DAB1: variants seen among roughly 807,000 people sequenced by gnomAD.
The protein encoded by DAB1 is DAB adaptor protein 1.
Under a neutral mutation model 64.6 loss-of-function variants are expected in DAB1, and 15 were observed. That is an observed-to-expected ratio of 0.23 (90% CI 0.16 to 0.36). DAB1 has a LOEUF of 0.36. DAB1 is among the 10% of genes least tolerant of loss of function. DAB1 has a pLI of 1.00. For missense variants in DAB1, 596 were observed against 706.7 expected, an observed-to-expected ratio of 0.84 and a Z score of 1.78; for synonymous variants, 235 against 251.9, an observed-to-expected ratio of 0.93 and a Z score of 0.64.
rs1315309957 is a variant in DAB1, at chr1:58,126,546, G to A, written n.387+23965C>T. On this transcript the variant is annotated intron_variant and non_coding_transcript_variant, in intron 5 of 20. Transcript: ENST00000485760. The stretch of plus-strand genomic sequence containing the variant: ...ATGTATACATGTGCCATGCTGGTGC[G>A]CTGCACCCACTAACTCGTCATCTAG... 8.6e-5 allele frequency among the ~76,000 whole-genome samples: 13 copies of A among 151,198 alleles called. No homozygotes were observed. The South Asian group carries it at 1.3e-3, about 15-fold the overall frequency.
chr1:58,310,342 C>T (rs1662398343), intron 4 of DAB1, among the ~76,000 whole-genome samples: 1 of 152,022 alleles, frequency 6.6e-6, no homozygotes, highest in Non-Finnish European at 1.5e-5. Context: ...CGGAATAAAG[C>T]TGAAATGTAA....
chr1:57,013,761 A>G (rs1570496364), intron 12 of DAB1, among the ~76,000 whole-genome samples: 2 of 152,280 alleles, frequency 1.3e-5, no homozygotes, highest in East Asian at 3.9e-4. Context: ...GAGTCATCAG[A>G]ACACCTTCCC....
chr1:57,938,066 C>A (rs975500231), intron 5 of DAB1, among the ~76,000 whole-genome samples: 1 of 152,188 alleles, frequency 6.6e-6, no homozygotes, highest in African/African-American at 2.4e-5. Flanking sequence ...TTGCACTAAG[C>A]AGAAATAATC....
chr1:57,776,123 A>C (rs2101836295), intron 6 of DAB1, among the ~76,000 whole-genome samples: 1 of 151,874 alleles, frequency 6.6e-6, no homozygotes, highest in East Asian at 1.9e-4. Context: ...TGCAGACAGC[A>C]TATAAAGGTT....
intron 10 of DAB1, among the ~76,000 whole-genome samples, chr1:57,024,625 G>A (rs1332949527): frequency 1.3e-5 from 2 of 152,172 alleles, no homozygotes; most frequent in Admixed American, 1.3e-4. Flanking sequence ...ACACAGCCAT[G>A]AGCTGCTGTG....
At position 57,148,829 on chromosome 1, in the gene DAB1, TAA is replaced by T. The variant is rs1659391717; in HGVS notation, c.68-3402_68-3401del. On this transcript the variant is annotated intron_variant, in intron 2 of 14. Coordinates refer to ENST00000371236, the MANE Select transcript of DAB1 (RefSeq NM_001365792.1). The stretch of plus-strand genomic sequence containing the variant: ...AAGTCCACAGCATAACCTGAATGTT[TAA>T]ATAACAGCTATATTGAGATACAACT... Among the ~76,000 whole-genome samples, 3 of 152,352 alleles carry T rather than the reference TAA, an allele frequency of 2.0e-5. No individual in the cohort carries two copies. In the South Asian group the frequency reaches 6.2e-4, roughly 32 times the overall value.
intron 4 of DAB1, among the ~76,000 whole-genome samples, chr1:58,256,885 A>C (rs1043808724): frequency 1.3e-5 from 2 of 152,218 alleles, no homozygotes; most frequent in Non-Finnish European, 2.9e-5. Context: ...AACTCCTATA[A>C]AAATTATGGT....
chr1:57,232,284 CTTTTTT>C (rs74940041), intron 2 of DAB1, among the ~76,000 whole-genome samples: 2 of 81,734 alleles, frequency 2.4e-5, no homozygotes, highest in African/African-American at 9.4e-5. Context: ...GCAGTGGCCA[CTTTTTT>C]TTTTTTTTTT....
Position 57,276,700 on chromosome 1 carries a change from A to G in DAB1, c.67+14264T>C, listed in dbSNP as rs930227713. 2.6e-5 allele frequency among the ~76,000 whole-genome samples: 4 copies of G among 152,360 alleles called. No individual in the cohort carries two copies. The South Asian group carries it at 8.3e-4, about 32-fold the overall frequency. On this transcript the variant is annotated intron_variant, in intron 2 of 14. Coordinates refer to ENST00000371236, the MANE Select transcript of DAB1 (RefSeq NM_001365792.1). ...ACAGGAGATATTTCACAAAGTAACT[A>G]TGGAACTAAAAATCATAAATAAATC... is the stretch of plus-strand genomic sequence containing the variant.
chr1:58,325,183 A>G (rs371265583), intron 4 of DAB1, among the ~76,000 whole-genome samples: 12 of 152,336 alleles, frequency 7.9e-5, no homozygotes, highest in African/African-American at 2.6e-4. Flanking sequence ...GCTGATTCAC[A>G]GGAGACAGGA....
At chr1:57,228,048 T>C (rs1667403487) in intron 2 of DAB1, among the ~76,000 whole-genome samples, 1 of 152,222 alleles carries the variant, frequency 6.6e-6, no homozygotes, top group Admixed American at 6.5e-5. Flanking sequence ...TCAAAGGGAA[T>C]GCTTCAAACA....
rs570953968 is a variant in DAB1, at chr1:57,974,056, G to C, written n.388-89894C>G. ...ACCCCACCCCTGCCTCCTTGTCCTT[G>C]ATCCAGGCACACTAGCCTTCTTTCT... On this transcript the variant is annotated intron_variant and non_coding_transcript_variant, in intron 5 of 20. Transcript: ENST00000485760. Among the ~76,000 whole-genome samples, 94 of 152,024 alleles carry C rather than the reference G, an allele frequency of 6.2e-4. 1 individual carries two copies. The South Asian group carries it at 0.011, about 19-fold the overall frequency.
intron 4 of DAB1, among the ~76,000 whole-genome samples, chr1:57,116,182 A>G (rs1284218251): frequency 6.6e-6 from 1 of 152,040 alleles, no homozygotes; most frequent in Non-Finnish European, 1.5e-5. Context: ...GCAGGTTGGG[A>G]GGCCTGGCGT....
intron 2 of DAB1, among the ~76,000 whole-genome samples, chr1:57,205,678 C>T (rs555914626): frequency 1.3e-5 from 2 of 152,256 alleles, no homozygotes; most frequent in Non-Finnish European, 2.9e-5. Context: ...GAAGAGAAAA[C>T]TGATGCTCAA....
rs1257159820 is a variant in DAB1, at chr1:57,566,087, A to C, written n.625+83505T>G. 2.0e-5 allele frequency among the ~76,000 whole-genome samples: 3 copies of C among 152,236 alleles called. No homozygotes were observed. The South Asian group carries it at 6.2e-4, about 31-fold the overall frequency. Reference sequence around the variant, plus strand: ...TGTAACAAATTGTCTCTCAGACCACACTGCAATCAAACTAGAACTCAGGAT... The same window carrying C: ...TGTAACAAATTGTCTCTCAGACCACCCTGCAATCAAACTAGAACTCAGGAT... On this transcript the variant is annotated intron_variant and non_coding_transcript_variant, in intron 7 of 20. Coordinates refer to the DAB1 transcript ENST00000485760.
At chr1:57,063,193 G>C (rs557918534) in intron 8 of DAB1, among the ~76,000 whole-genome samples, 2 of 151,916 alleles carry the variant, frequency 1.3e-5, no homozygotes, top group Non-Finnish European at 2.9e-5. Context: ...TGGGCTTCTC[G>C]CAGAATCAAA....
intron 5 of DAB1, among the ~76,000 whole-genome samples, chr1:57,918,355 G>C (rs1009947773): frequency 2.0e-5 from 3 of 152,048 alleles, no homozygotes; most frequent in Non-Finnish European, 2.9e-5. Flanking sequence ...AAAGTTCAAG[G>C]GCCTGGTGCA....
At chr1:58,499,523 T>C (rs899354865) in intron 3 of DAB1, among the ~76,000 whole-genome samples, 1 of 151,902 alleles carries the variant, frequency 6.6e-6, no homozygotes, top group Non-Finnish European at 1.5e-5. Flanking sequence ...GATAGATAGA[T>C]AGATATTAAA....
chr1:57,456,725 A>G (rs1360467792), intron 7 of DAB1, among the ~76,000 whole-genome samples: 2 of 152,134 alleles, frequency 1.3e-5, no homozygotes, highest in Non-Finnish European at 2.9e-5. Context: ...TTAAAATATA[A>G]TGTTCCAACA....
Sources: allele counts gnomAD v4.1 joint callset (sites outside exome capture counted in the v4.1 genomes callset), GRCh38; gene constraint gnomAD v4.1.1; transcripts MANE v1.5; gene names NCBI Gene and HGNC (gene_info 2026-07-23, HGNC 2026-07-21).